DCLK2: variants seen among roughly 807,000 people sequenced by gnomAD.
DCLK2 encodes doublecortin like kinase 2.
DCLK2 carries 31 observed loss-of-function variants against 78.4 expected under a neutral mutation model. The observed-to-expected ratio is 0.40, with a 90% CI of 0.30 to 0.53. DCLK2 has a LOEUF of 0.53. DCLK2 is among the 20% of genes least tolerant of loss of function. The probability of loss-of-function intolerance (pLI) is 0.61; values close to 1 mark genes in which losing one functional copy is unlikely to be tolerated. For missense variants in DCLK2, 872 were observed against 973.7 expected, an observed-to-expected ratio of 0.90 and a Z score of 1.39; for synonymous variants, 407 against 374.9, an observed-to-expected ratio of 1.09 and a Z score of -0.99.
At chr4:150,212,933 C>A (rs945615734) in intron 5 of DCLK2, among the ~76,000 whole-genome samples, 10 of 152,106 alleles carry the variant, frequency 6.6e-5, no homozygotes, top group Admixed American at 2.0e-4. Flanking sequence ...CTTGTAGTAG[C>A]CTCCATAGTT....
chr4:150,172,634 T>G (rs1440664796), intron 2 of DCLK2, among the ~76,000 whole-genome samples: 1 of 129,754 alleles, frequency 7.7e-6, no homozygotes, highest in Admixed American at 7.7e-5. Context: ...AAAAAAGAAA[T>G]CCATAGATCA....
chr4:150,093,878 A>G (rs1335009297), intron 1 of DCLK2, among the ~76,000 whole-genome samples: 2 of 152,236 alleles, frequency 1.3e-5, no homozygotes, highest in Admixed American at 6.5e-5. Flanking sequence ...GAACAATGTA[A>G]CAGAACCAAG....
chr4:150,235,906 G>A (rs1487540014), intron 10 of DCLK2, among the ~76,000 whole-genome samples: 1 of 152,222 alleles, frequency 6.6e-6, no homozygotes, highest in African/African-American at 2.4e-5. Flanking sequence ...GGGTAGCTGT[G>A]TCAGGGAGCA....
In DCLK2 at chr4:150,175,144, AT is replaced by A. The variant is rs869236676; in HGVS notation, c.757-17990del. On this transcript the variant is annotated intron_variant, in intron 2 of 15. Coordinates refer to ENST00000296550, the MANE Select transcript of DCLK2 (RefSeq NM_001040260.4). ...TTTTATATATATATAATTTATGTAT[AT>A]TTTATATATATTTATAATTTATATA... Among the ~76,000 whole-genome samples, 326 of 68,918 alleles carry A rather than the reference AT, an allele frequency of 4.7e-3. 69 individuals carry two copies. Among genetic ancestry groups the A allele is most frequent in the Middle Eastern group, 0.013 (2 of 160 alleles). 45.2% of individuals were successfully genotyped at this position (68,918 alleles called of 152,430 possible). A position where few individuals can be genotyped will look rare whatever the true frequency, so the allele number is the denominator to read the frequency against.
chr4:150,142,349 C>A (rs1734166001), intron 2 of DCLK2, among the ~76,000 whole-genome samples: 1 of 152,112 alleles, frequency 6.6e-6, no homozygotes, highest in Non-Finnish European at 1.5e-5. Context: ...GTGATTGACC[C>A]CAGATCTTTC....
chr4:150,207,496 A>G (rs1477162376), intron 5 of DCLK2, among the ~76,000 whole-genome samples: 1 of 152,194 alleles, frequency 6.6e-6, no homozygotes, highest in Non-Finnish European at 1.5e-5. Flanking sequence ...TCATTAAGAG[A>G]GATATAAAAT....
chr4:150,252,651 A>G (rs1744261652), intron 15 of DCLK2, among the ~76,000 whole-genome samples: 3 of 152,218 alleles, frequency 2.0e-5, no homozygotes, highest in Non-Finnish European at 4.4e-5. Context: ...CCATTTGCTG[A>G]TGAGGAGTTC....
chr4:150,253,567 C>T (rs766457682), intron 15 of DCLK2: 31 of 1,289,500 alleles, frequency 2.4e-5, no homozygotes, highest in East Asian at 5.5e-5. Flanking sequence ...GTATTCACCA[C>T]GCTGCGTCCG....
intron 1 of DCLK2, among the ~76,000 whole-genome samples, chr4:150,088,136 TCTTTA>T (rs1729774320): frequency 6.6e-6 from 1 of 152,212 alleles, no homozygotes; most frequent in African/African-American, 2.4e-5. Context: ...CATCTTGGTC[TCTTTA>T]CTTAATAGTA....
chr4:150,207,089 G>A (rs963079863), intron 5 of DCLK2, among the ~76,000 whole-genome samples: 1 of 152,138 alleles, frequency 6.6e-6, no homozygotes, highest in Non-Finnish European at 1.5e-5. Context: ...GAGAATGGAG[G>A]ATTGTTTTTC....
At chr4:150,199,443 G>A (rs1206689750) in intron 4 of DCLK2, among the ~76,000 whole-genome samples, 1 of 152,162 alleles carries the variant, frequency 6.6e-6, no homozygotes, top group Non-Finnish European at 1.5e-5. Context: ...TTGATCTTCT[G>A]TGCTCACCCC....
chr4:150,139,405 A>C (rs1733954399), intron 2 of DCLK2, among the ~76,000 whole-genome samples: 2 of 152,152 alleles, frequency 1.3e-5, no homozygotes, highest in Non-Finnish European at 2.9e-5. Context: ...ATCCGTCCAA[A>C]CTCCTGGACG....
At chr4:150,188,025 T>C (rs1378625464) in intron 2 of DCLK2, among the ~76,000 whole-genome samples, 1 of 152,144 alleles carries the variant, frequency 6.6e-6, no homozygotes, top group Admixed American at 6.5e-5. Context: ...GGTCTTGAGC[T>C]CTTGACCTCA....
chr4:150,082,403 C>G (rs1310120265), intron 1 of DCLK2, among the ~76,000 whole-genome samples: 1 of 152,182 alleles, frequency 6.6e-6, no homozygotes, highest in Admixed American at 6.5e-5. Flanking sequence ...TTCAGAGCCC[C>G]AATCTCATTG....
intron 2 of DCLK2, among the ~76,000 whole-genome samples, chr4:150,137,497 CAG>C (rs148290109): frequency 0.052 from 7,932 of 152,154 alleles, 213 homozygotes; most frequent in South Asian, 0.08. Flanking sequence ...GGGTGAAGAA[CAG>C]GGGACAGTGA....
At chr4:150,182,989 G>A (rs766329768) in intron 2 of DCLK2, among the ~76,000 whole-genome samples, 1 of 151,532 alleles carries the variant, frequency 6.6e-6, no homozygotes, top group Non-Finnish European at 1.5e-5. Flanking sequence ...ACCACCAACC[G>A]CCCCCACCAC....
At chr4:150,157,263 T>G (rs1435112104) in intron 2 of DCLK2, among the ~76,000 whole-genome samples, 1 of 151,768 alleles carries the variant, frequency 6.6e-6, no homozygotes, top group Non-Finnish European at 1.5e-5. Context: ...TTTTTAAAAT[T>G]TTACATTTTT....
At chr4:150,210,967 A>AG (rs1491337763) in intron 5 of DCLK2, among the ~76,000 whole-genome samples, 1 of 139,750 alleles carries the variant, frequency 7.2e-6, no homozygotes, top group Admixed American at 7.1e-5. Flanking sequence ...AAAAAAAGAA[A>AG]GAAAGAAAAA....
At chr4:150,255,527 T>A (rs1296301330) in intron 15 of DCLK2, among the ~76,000 whole-genome samples, 2 of 152,228 alleles carry the variant, frequency 1.3e-5, no homozygotes, top group Non-Finnish European at 2.9e-5. Flanking sequence ...GTAATGTGGC[T>A]CCATCCAATT....
Sources: gnomAD v4.1 joint callset for allele counts (sites outside exome capture counted in the v4.1 genomes callset) on GRCh38, gnomAD v4.1.1 for gene constraint, MANE v1.5 for transcripts, NCBI Gene and HGNC (gene_info 2026-07-23, HGNC 2026-07-21) for gene names.